The following LRRTM4 variants were observed in gnomAD, a reference collection of about 807,000 sequenced individuals.
LRRTM4 encodes leucine rich repeat transmembrane neuronal 4, also known as leucine-rich repeat transmembrane neuronal protein 4.
In LRRTM4, 25 loss-of-function variants were observed where a neutral mutation model predicts 47.6. The observed-to-expected ratio is 0.53, with a 90% confidence interval of 0.38 to 0.73. The LOEUF is 0.73. Ranked by LOEUF, LRRTM4 falls within the 30% of genes least tolerant of loss-of-function variation. LRRTM4 has a pLI of 0.00. For missense variants in LRRTM4, 638 were observed against 713.4 expected, an observed-to-expected ratio of 0.89 and a Z score of 1.20; for synonymous variants, 311 against 269.5, an observed-to-expected ratio of 1.15 and a Z score of -1.51.
chr2:77,154,382 T>C (rs191861266), intron 3 of LRRTM4, among the ~76,000 whole-genome samples: 2 of 152,124 alleles, frequency 1.3e-5, no homozygotes, highest in East Asian at 3.9e-4. Flanking sequence ...TCACAAGGAA[T>C]CAAATAATGC....
At chr2:76,828,223 A>G (rs557682256) in intron 3 of LRRTM4, among the ~76,000 whole-genome samples, 3 of 152,020 alleles carry the variant, frequency 2.0e-5, no homozygotes, top group Non-Finnish European at 4.4e-5. Context: ...TTAGGGCACT[A>G]CTGGGTTCTC....
intron 3 of LRRTM4, among the ~76,000 whole-genome samples, chr2:76,912,764 G>C (rs1341535525): frequency 1.3e-5 from 2 of 152,098 alleles, no homozygotes; most frequent in South Asian, 2.1e-4. Flanking sequence ...TCGGGATAGT[G>C]AGTTATTGTG....
chr2:76,980,931 T>C (rs931669044), intron 3 of LRRTM4, among the ~76,000 whole-genome samples: 1 of 152,116 alleles, frequency 6.6e-6, no homozygotes, highest in Admixed American at 6.6e-5. Flanking sequence ...TACCTACTGA[T>C]ATTTAAGTGA....
chr2:76,942,578 T>C (rs1558752973), intron 3 of LRRTM4, among the ~76,000 whole-genome samples: 1 of 150,752 alleles, frequency 6.6e-6, no homozygotes, highest in South Asian at 2.1e-4. Context: ...ACAAAAATGA[T>C]CTGTCAAAAA....
chr2:77,474,205 G>C (rs914575714), intron 3 of LRRTM4, among the ~76,000 whole-genome samples: 3 of 151,948 alleles, frequency 2.0e-5, no homozygotes, highest in Non-Finnish European at 2.9e-5. Context: ...CCAACACAAA[G>C]AAAAGAAATG....
intron 3 of LRRTM4, among the ~76,000 whole-genome samples, chr2:77,271,579 G>A (rs936667078): frequency 6.6e-6 from 1 of 152,106 alleles, no homozygotes; most frequent in African/African-American, 2.4e-5. Context: ...GCCAAGAAAA[G>A]TGCTGCATCA....
chr2:77,518,546 C>G lies in LRRTM4; in HGVS notation c.1323G>C (p.Leu441Phe). 6.2e-7 allele frequency: 1 copy of G among 1,613,282 alleles called. No individual in the cohort carries two copies. The highest frequency in any genetic ancestry group is 8.5e-7 in the Non-Finnish European group (1 of 1,179,582). The change falls in exon 3 of 4, where the codon TTG (leucine) becomes TTC (phenylalanine). Residue 441 changes from leucine (L) to phenylalanine (F), a missense_variant. Physicochemically the swap from Leu to Phe is conservative, Grantham distance 22. Coordinates refer to ENST00000409884, the MANE Select transcript of LRRTM4 (RefSeq NM_001134745.3). Reference protein sequence around the residue: ...ALFLSVAMILLVIYVSWKRYP... With the variant: ...ALFLSVAMILFVIYVSWKRYP... ...AGCGTTTCCAAGACACATAGATCAC[C>G]AAGAGGATCATGGCCACTGAGAGAA...
At chr2:76,750,387 G>T (rs1167291778) in intron 3 of LRRTM4, among the ~76,000 whole-genome samples, 1 of 152,138 alleles carries the variant, frequency 6.6e-6, no homozygotes. Flanking sequence ...TGTAGGGGTG[G>T]TAGCTACTTC....
intron 3 of LRRTM4, among the ~76,000 whole-genome samples, chr2:76,933,289 C>A (rs1460752944): frequency 2.0e-5 from 3 of 151,790 alleles, no homozygotes; most frequent in Non-Finnish European, 4.4e-5. Flanking sequence ...TATATGTTAC[C>A]CCTTTCTACT....
intron 3 of LRRTM4, among the ~76,000 whole-genome samples, chr2:76,826,994 C>G (rs763461196): frequency 7.2e-5 from 11 of 151,866 alleles, no homozygotes; most frequent in Non-Finnish European, 1.6e-4. Context: ...TCACAAGCCA[C>G]CCTTGTGCAC....
chr2:77,141,312 T>G (rs1293897125), intron 3 of LRRTM4, among the ~76,000 whole-genome samples: 1 of 152,144 alleles, frequency 6.6e-6, no homozygotes, highest in Non-Finnish European at 1.5e-5. Flanking sequence ...TGAGTTCGTG[T>G]CCTCTGTAGG....
At position 77,497,609 on chromosome 2, in the gene LRRTM4, A is replaced by G. The variant is rs558762860; in HGVS notation, c.1551+20709T>C. Among the ~76,000 whole-genome samples the G allele has an allele frequency of 4.6e-5, 7 of 151,334 alleles. No individual in the cohort carries two copies. The East Asian group carries it at 1.4e-3, about 29-fold the overall frequency. On this transcript the variant is annotated intron_variant, in intron 3 of 3. Coordinates refer to ENST00000409884, the MANE Select transcript of LRRTM4 (RefSeq NM_001134745.3). The stretch of plus-strand genomic sequence containing the variant: ...TATTCACACACACACCCACTATACT[A>G]TGTACATATATGTATGCATGGATAC...
chr2:77,370,415 T>C (rs944242499), intron 3 of LRRTM4, among the ~76,000 whole-genome samples: 1 of 151,756 alleles, frequency 6.6e-6, no homozygotes, highest in East Asian at 1.9e-4. Flanking sequence ...CATAAACCTT[T>C]GCAGAAAGTT....
At chr2:77,014,620 T>C (rs1224976254) in intron 3 of LRRTM4, among the ~76,000 whole-genome samples, 2 of 151,816 alleles carry the variant, frequency 1.3e-5, no homozygotes, top group Non-Finnish European at 2.9e-5. Flanking sequence ...GAGACCAGCC[T>C]GGCCAACATG....
At position 77,521,768 on chromosome 2, in the gene LRRTM4, T is replaced by C; in HGVS notation, c.-97A>G. 1 of 1,380,576 alleles carries C rather than the reference T, an allele frequency of 7.2e-7. No homozygotes were observed. The allele number at this position is 1,380,576 out of a possible 1,614,324, so 85.5% of individuals were successfully genotyped here. A position where few individuals can be genotyped will look rare whatever the true frequency, so the allele number is the denominator to read the frequency against. On this transcript the variant is annotated 5_prime_UTR_variant, in exon 2 of 4. Transcript: ENST00000409884. Reference sequence around the variant, plus strand: ...CACCACCTTCATGACACAGTGCGGCTGTCATTCACACCATTCTGATCCCGC... The same window carrying C: ...CACCACCTTCATGACACAGTGCGGCCGTCATTCACACCATTCTGATCCCGC...
intron 3 of LRRTM4, among the ~76,000 whole-genome samples, chr2:77,068,741 AG>A (rs1680046021): frequency 6.6e-6 from 1 of 152,222 alleles, no homozygotes; most frequent in African/African-American, 2.4e-5. Context: ...TGTTGGGAAC[AG>A]GCCCCCCAAA....
At chr2:77,257,596 T>C (rs1237201561) in intron 3 of LRRTM4, among the ~76,000 whole-genome samples, 3 of 152,054 alleles carry the variant, frequency 2.0e-5, no homozygotes. Context: ...TTTATATACT[T>C]TTCCTTTGCT....
chr2:77,460,017 C>T (rs1573445006), intron 3 of LRRTM4, among the ~76,000 whole-genome samples: 1 of 151,838 alleles, frequency 6.6e-6, no homozygotes, highest in South Asian at 2.1e-4. Context: ...CTTCAAATTA[C>T]TACGTTTCTC....
intron 3 of LRRTM4, among the ~76,000 whole-genome samples, chr2:76,898,553 CAAA>C (rs56345618): frequency 3.1e-5 from 2 of 63,548 alleles, no homozygotes; most frequent in Non-Finnish European, 3.0e-5. Flanking sequence ...AGCTCCGTCT[CAAA>C]AAAAAAAAAA....
Sources: allele counts gnomAD v4.1 joint callset (sites outside exome capture counted in the v4.1 genomes callset), GRCh38; gene constraint gnomAD v4.1.1; transcripts MANE v1.5; gene names NCBI Gene and HGNC (gene_info 2026-07-23, HGNC 2026-07-21).